Variants in PHLDB2 observed in about 807,000 individuals in gnomAD.
The protein encoded by PHLDB2 is pleckstrin homology-like domain family B member 2.
PHLDB2 carries 71 observed loss-of-function variants against 123.6 expected under a neutral mutation model. The observed-to-expected ratio is 0.57, with a 90% CI of 0.47 to 0.70. PHLDB2 has a LOEUF of 0.70. PHLDB2 is among the 30% of genes least tolerant of loss of function. The pLI, the probability that PHLDB2 is intolerant of heterozygous loss-of-function variation, is 0.00. For missense variants in PHLDB2, 1,446 were observed against 1,519.5 expected, an observed-to-expected ratio of 0.95 and a Z score of 0.80; for synonymous variants, 547 against 541.6, an observed-to-expected ratio of 1.01 and a Z score of -0.14.
chr3:111,846,623 T>A (rs188113201), intron 2 of PHLDB2, among the ~76,000 whole-genome samples: 45 of 152,314 alleles, frequency 3.0e-4, no homozygotes, highest in African/African-American at 1.0e-3. Flanking sequence ...AAACTAGATT[T>A]AATTTTTCAT....
chr3:111,765,988 C>G (rs1022706743), intron 1 of PHLDB2, among the ~76,000 whole-genome samples: 1 of 152,180 alleles, frequency 6.6e-6, no homozygotes, highest in Non-Finnish European at 1.5e-5. Context: ...CCTGTGTCAT[C>G]TTTCTCAGTT....
intron 2 of PHLDB2, 96 bp downstream of exon 2, chr3:111,885,508 A>T: frequency 6.1e-6 from 9 of 1,484,778 alleles, no homozygotes; most frequent in Non-Finnish European, 8.4e-6. Flanking sequence ...GTGGGAATAT[A>T]GGATATTCAT....
At chr3:111,897,783 G>T (rs1028298712) in intron 2 of PHLDB2, among the ~76,000 whole-genome samples, 1 of 152,184 alleles carries the variant, frequency 6.6e-6, no homozygotes, top group Non-Finnish European at 1.5e-5. Context: ...CTTAGGCAGA[G>T]ATTTCAATTT....
intron 1 of PHLDB2, among the ~76,000 whole-genome samples, chr3:111,867,425 T>TA (rs770950870): frequency 2.7e-4 from 40 of 149,416 alleles, no homozygotes; most frequent in Non-Finnish European, 4.8e-4. Flanking sequence ...AAAATAATAA[T>TA]AAAATAATAA....
rs529880946 is a variant in PHLDB2, at chr3:111,975,839, G to A, written c.*1276G>A. The stretch of plus-strand genomic sequence containing the variant: ...TAGAGAATAACAATATTACTTACAA[G>A]ATGAAATGATTAGATTAGAAGTGTC... On this transcript the variant is annotated 3_prime_UTR_variant, in exon 18 of 18. Coordinates refer to ENST00000431670, the MANE Select transcript of PHLDB2 (RefSeq NM_001134438.2). 6.6e-6 allele frequency: 1 copy of A among 152,576 alleles called. No homozygotes were observed. Among genetic ancestry groups the A allele is most frequent in the African/African-American group, 2.4e-5 (1 of 41,432 alleles). 9.5% of individuals were successfully genotyped at this position (152,576 alleles called of 1,614,324 possible).
chr3:111,839,940 C>CTTTTTTTTTTT lies in PHLDB2; in HGVS notation c.-48-5867_-48-5857dup, dbSNP rs3082317. ...TTTGTTTAAAAGCCCCCCACCCCCG[C>CTTTTTTTTTTT]TTTTTTTTTTTTTTTTTTTTTTTTG... On this transcript the variant is annotated intron_variant, in intron 1 of 17. Transcript: ENST00000393923. 3.5e-4 allele frequency among the ~76,000 whole-genome samples: 23 copies of CTTTTTTTTTTT among 64,944 alleles called. 2 individuals carry two copies. The highest frequency in any genetic ancestry group is 5.9e-4 in the African/African-American group (9 of 15,170). 42.6% of individuals were successfully genotyped at this position (64,944 alleles called of 152,430 possible).
At chr3:111,939,705 G>C (rs1056178892) in intron 7 of PHLDB2, 75 bp downstream of exon 7, 1 of 1,405,562 alleles carries the variant, frequency 7.1e-7, no homozygotes, top group African/African-American at 1.4e-5. Context: ...ACATATGTCT[G>C]TCTGAATATC....
chr3:111,943,167 G>A (rs748783368), intron 8 of PHLDB2, among the ~76,000 whole-genome samples: 18 of 152,130 alleles, frequency 1.2e-4, no homozygotes, highest in Non-Finnish European at 2.1e-4. Context: ...TTAAGGCAGG[G>A]TGGTACTGCC....
intron 16 of PHLDB2, among the ~76,000 whole-genome samples, chr3:111,971,527 T>G (rs1322003698): frequency 6.6e-6 from 1 of 152,170 alleles, no homozygotes; most frequent in Non-Finnish European, 1.5e-5. Context: ...TACATTTCAT[T>G]TGCTTTTTAA....
At chr3:111,862,844 T>C (rs1190808553) in intron 1 of PHLDB2, among the ~76,000 whole-genome samples, 1 of 152,112 alleles carries the variant, frequency 6.6e-6, no homozygotes, top group Admixed American at 6.6e-5. Context: ...GCCTCAGAGA[T>C]CACTTAATTT....
At position 111,779,102 on chromosome 3, in the gene PHLDB2, G is replaced by GA. The variant is rs952868191; in HGVS notation, c.-49+46405dup. On this transcript the variant is annotated intron_variant, in intron 1 of 17. Coordinates refer to the PHLDB2 transcript ENST00000393923. ...GAGTTTCTGACTCGGTAGGTCTGGA[G>GA]AAAAAACTAACAAGTTCCCATGTGA... Among the ~76,000 whole-genome samples, 7 of 152,136 alleles carry GA rather than the reference G, an allele frequency of 4.6e-5. No individual in the cohort carries two copies. The South Asian group carries it at 6.2e-4, about 14-fold the overall frequency.
chr3:111,759,303 C>T (rs896948205), intron 1 of PHLDB2, among the ~76,000 whole-genome samples: 8 of 152,132 alleles, frequency 5.3e-5, no homozygotes, highest in South Asian at 2.1e-4. Flanking sequence ...GTAGATGGTG[C>T]CTTCTCACTG....
chr3:111,823,206 C>G (rs1026649572), intron 1 of PHLDB2, among the ~76,000 whole-genome samples: 2 of 152,208 alleles, frequency 1.3e-5, no homozygotes, highest in African/African-American at 4.8e-5. Context: ...AGCCAAAGTT[C>G]TTGACTTAAT....
chr3:111,926,306 A>G (rs1392570822), intron 5 of PHLDB2, among the ~76,000 whole-genome samples: 1 of 152,178 alleles, frequency 6.6e-6, no homozygotes, highest in East Asian at 1.9e-4. Context: ...CTTCCTCCCC[A>G]TCCTTCCTTT....
intron 2 of PHLDB2, among the ~76,000 whole-genome samples, chr3:111,852,074 C>G (rs1047251428): frequency 6.6e-5 from 10 of 151,926 alleles, no homozygotes; most frequent in African/African-American, 2.2e-4. Flanking sequence ...ATTACATTAT[C>G]ATATTACAGT....
intron 1 of PHLDB2, among the ~76,000 whole-genome samples, chr3:111,771,420 G>T (rs1197149223): frequency 6.6e-6 from 1 of 151,384 alleles, no homozygotes; most frequent in African/African-American, 2.4e-5. Context: ...TGCCATCTCG[G>T]TTCACTGCAA....
At chr3:111,835,275 T>C (rs756435929) in intron 1 of PHLDB2, among the ~76,000 whole-genome samples, 1 of 152,178 alleles carries the variant, frequency 6.6e-6, no homozygotes, top group South Asian at 2.1e-4. Context: ...GTTTGTGTAG[T>C]ATATCTGACT....
chr3:111,899,463 T>G (rs1397857860), intron 2 of PHLDB2, among the ~76,000 whole-genome samples: 3 of 152,190 alleles, frequency 2.0e-5, no homozygotes, highest in African/African-American at 7.2e-5. Flanking sequence ...AAGGAATTTT[T>G]TTTCCCCTGA....
chr3:111,798,990 A>G (rs1435173453), intron 1 of PHLDB2, among the ~76,000 whole-genome samples: 2 of 152,220 alleles, frequency 1.3e-5, no homozygotes, highest in Non-Finnish European at 2.9e-5. Context: ...GAAACTTACA[A>G]TCATGGCAGA....
Sources: allele counts gnomAD v4.1 joint callset (sites outside exome capture counted in the v4.1 genomes callset), GRCh38; gene constraint gnomAD v4.1.1; transcripts MANE v1.5; gene names NCBI Gene and HGNC (gene_info 2026-07-23, HGNC 2026-07-21).